The following VPS29 variants were observed in gnomAD, a reference collection of about 807,000 sequenced individuals.
The protein encoded by VPS29 is VPS29 retromer complex component.
In VPS29, 2 loss-of-function variants were observed where a neutral mutation model predicts 20.0. That is an observed-to-expected ratio of 0.10 (90% CI 0.04 to 0.31). VPS29 has a LOEUF of 0.31. Ranked by LOEUF, VPS29 falls within the 10% of genes least tolerant of loss-of-function variation. The probability of loss-of-function intolerance (pLI) is 1.00; values close to 1 mark genes in which losing one functional copy is unlikely to be tolerated. For synonymous variants in VPS29, 81 were observed against 79.3 expected, an observed-to-expected ratio of 1.02 and a Z score of -0.12; for missense variants, 120 against 215.3, an observed-to-expected ratio of 0.56 and a Z score of 2.77.
In VPS29 at chr12:110,492,125, A is replaced by G. The variant is rs2135564439; in HGVS notation, c.432-3T>C. 1.3e-6 allele frequency: 2 copies of G among 1,599,742 alleles called. No individual in the cohort carries two copies. The highest frequency in any genetic ancestry group is 2.2e-5 in the South Asian group (2 of 90,126). On this transcript the variant is annotated splice_polypyrimidine_tract_variant and splice_region_variant and intron_variant, in intron 3 of 3. Transcript: ENST00000549578. ...ACACAAATGATGGAATAATGTTTCT[A>G]GAAGAAAAAATAAATAATGTCAGTG...
chr12:110,497,196 A>T (rs1183341901), intron 1 of VPS29, among the ~76,000 whole-genome samples: 1 of 149,142 alleles, frequency 6.7e-6, no homozygotes, highest in Non-Finnish European at 1.5e-5. Flanking sequence ...TTTTAATTTA[A>T]AAATTTCTTT....
intron 1 of VPS29, chr12:110,499,342 G>A: frequency 1.5e-6 from 1 of 688,906 alleles, no homozygotes; most frequent in Non-Finnish European, 2.2e-6. Flanking sequence ...GATAGACATA[G>A]ATGATAGAGT....
intron 2 of VPS29, among the ~76,000 whole-genome samples, chr12:110,494,680 T>G (rs1179020065): frequency 6.6e-6 from 1 of 152,096 alleles, no homozygotes; most frequent in Admixed American, 6.6e-5. Flanking sequence ...GGAAGTGATC[T>G]GCCAAAAATC....
intron 1 of VPS29, chr12:110,501,519 A>G: frequency 6.5e-7 from 1 of 1,535,364 alleles, no homozygotes; most frequent in Non-Finnish European, 8.7e-7. Flanking sequence ...TGGCAGCTAG[A>G]TGTTATTTCA....
chr12:110,500,471 C>T (rs2062990578), intron 1 of VPS29, among the ~76,000 whole-genome samples: 1 of 152,112 alleles, frequency 6.6e-6, no homozygotes, highest in African/African-American at 2.4e-5. Context: ...AAACGGATTA[C>T]TTTAAATTGG....
intron 1 of VPS29, chr12:110,501,808 C>T: frequency 1.7e-6 from 2 of 1,146,614 alleles, no homozygotes; most frequent in Non-Finnish European, 2.5e-6. Flanking sequence ...GCCTTTTTAC[C>T]CCTTGGATGG....
chr12:110,493,533 T>C (rs1476830721), intron 2 of VPS29, among the ~76,000 whole-genome samples: 4 of 152,220 alleles, frequency 2.6e-5, no homozygotes, highest in South Asian at 2.1e-4. Flanking sequence ...CTAATTTTTT[T>C]GTATTTTTAG....
At chr12:110,498,221 C>A (rs936076290) in intron 1 of VPS29, among the ~76,000 whole-genome samples, 1 of 152,134 alleles carries the variant, frequency 6.6e-6, no homozygotes, top group Non-Finnish European at 1.5e-5. Context: ...ACCCACCTGC[C>A]CTGGCCTCCC....
At chr12:110,499,289 T>C (rs2062956294) in intron 1 of VPS29, 1 of 445,234 alleles carries the variant, frequency 2.2e-6, no homozygotes. Context: ...GTGTCATACT[T>C]TGAAACATGT....
chr12:110,501,687 G>T, intron 1 of VPS29: 2 of 1,433,272 alleles, frequency 1.4e-6, no homozygotes, highest in South Asian at 1.2e-5. Flanking sequence ...AGTAGGAACC[G>T]TCTGGAAACG....
chr12:110,492,208 C>T (rs989966459), intron 3 of VPS29, 86 bp from the exon 4 acceptor site: 2 of 1,053,906 alleles, frequency 1.9e-6, no homozygotes, highest in Non-Finnish European at 2.8e-6. Flanking sequence ...TATTTGGATT[C>T]AGAGAAATCT....
rs185450713 is a variant in VPS29 at position 110,492,347 on chromosome 12, A to G, written c.432-225T>C. ...CACTTTGGGAGGCTGAGGTGGGTGGATCACCTGAGGTCAGGAGTTCAATAC... is the reference window on the plus strand; with the variant it reads ...CACTTTGGGAGGCTGAGGTGGGTGGGTCACCTGAGGTCAGGAGTTCAATAC... On this transcript the variant is annotated intron_variant, in intron 3 of 3. Coordinates refer to ENST00000549578, the MANE Select transcript of VPS29 (RefSeq NM_016226.5). Among the ~76,000 whole-genome samples, 11 of 152,306 alleles carry G rather than the reference A, an allele frequency of 7.2e-5. No individual in the cohort carries two copies. The East Asian group carries it at 2.1e-3, about 29-fold the overall frequency.
chr12:110,497,596 A>G (rs569967039), intron 1 of VPS29, among the ~76,000 whole-genome samples: 1 of 152,018 alleles, frequency 6.6e-6, no homozygotes, highest in African/African-American at 2.4e-5. Context: ...TCATTTAAAA[A>G]TAGTATCTGT....
At chr12:110,497,242 A>G (rs1274190311) in intron 1 of VPS29, among the ~76,000 whole-genome samples, 1 of 99,788 alleles carries the variant, frequency 1.0e-5, no homozygotes, top group Non-Finnish European at 1.8e-5. Flanking sequence ...TTTGAGACGG[A>G]GTCTCACTCT....
chr12:110,501,885 C>T, intron 1 of VPS29, 164 bp downstream of exon 1: 2 of 1,507,976 alleles, frequency 1.3e-6, no homozygotes, highest in East Asian at 2.4e-5. Context: ...CCGCTCCCTT[C>T]CTTCCCTAGA....
chr12:110,492,560 ACT>A (rs1261448415), intron 3 of VPS29, among the ~76,000 whole-genome samples: 3 of 148,124 alleles, frequency 2.0e-5, no homozygotes, highest in Non-Finnish European at 3.0e-5. Flanking sequence ...ACAGAGCAAG[ACT>A]CTGTCTCAAA....
intron 1 of VPS29, chr12:110,496,931 T>C (rs2062916369): frequency 6.6e-6 from 1 of 152,208 alleles, no homozygotes; most frequent in Admixed American, 6.5e-5. Context: ...TCCTTCATTA[T>C]TAGAAGTCCT....
At chr12:110,492,867 G>A in intron 3 of VPS29, 129 bp downstream of exon 3, 1 of 813,796 alleles carries the variant, frequency 1.2e-6, no homozygotes, top group Non-Finnish European at 1.9e-6. Flanking sequence ...CAAGCAACCT[G>A]CCCTGGTCTC....
At chr12:110,501,895 A>G in intron 1 of VPS29, 154 bp downstream of exon 1, 1 of 1,531,244 alleles carries the variant, frequency 6.5e-7, no homozygotes, top group South Asian at 1.2e-5. Flanking sequence ...CCTTCCCTAG[A>G]CCTCTTCTGG....
Sources: gnomAD v4.1 joint callset for allele counts (sites outside exome capture counted in the v4.1 genomes callset) on GRCh38, gnomAD v4.1.1 for gene constraint, MANE v1.5 for transcripts, NCBI Gene and HGNC (gene_info 2026-07-23, HGNC 2026-07-21) for gene names.